Variants in UBN1 observed in about 807,000 individuals in gnomAD.
The protein encoded by UBN1 is ubinuclein 1.
In UBN1, 17 loss-of-function variants were observed where a neutral mutation model predicts 108.5. The observed-to-expected ratio is 0.16, with a 90% CI of 0.11 to 0.24. The LOEUF (loss-of-function observed/expected upper bound fraction) is 0.24. Among genes scored for constraint, UBN1 ranks in the 10% least tolerant of loss-of-function variants. The pLI is 1.00. For missense variants in UBN1, 1,595 were observed against 1,394.4 expected, an observed-to-expected ratio of 1.14 and a Z score of -2.29; for synonymous variants, 726 against 564.2, an observed-to-expected ratio of 1.29 and a Z score of -4.07.
intron 1 of UBN1, among the ~76,000 whole-genome samples, chr16:4,849,523 C>G (rs1308269026): frequency 1.3e-5 from 2 of 151,604 alleles, no homozygotes; most frequent in Non-Finnish European, 2.9e-5. Flanking sequence ...TGAGGATAAC[C>G]AAGGGACAAG....
chr16:4,868,927 C>T lies in UBN1; in HGVS notation c.1181+24C>T, dbSNP rs756084048. 8 of 1,612,260 alleles carry T rather than the reference C, an allele frequency of 5.0e-6. No individual in the cohort carries two copies. In the African/African-American group the frequency reaches 9.3e-5, roughly 19 times the overall value. On this transcript the variant is annotated intron_variant, in intron 8 of 17. Transcript: ENST00000262376. ...GAGTGAGTATCGTCTGTCTGTCTGTCTGTCTGTCTGTTTCTGCTATTACTG... is the reference window on the plus strand; with the variant it reads ...GAGTGAGTATCGTCTGTCTGTCTGTTTGTCTGTCTGTTTCTGCTATTACTG...
In UBN1 at chr16:4,869,676, C is replaced by T. The variant is rs577231220; in HGVS notation, c.1182-536C>T. On this transcript the variant is annotated intron_variant, in intron 8 of 17. Transcript: ENST00000262376. ...TGCAGAGAGCACCTGAGCATTGGTG[C>T]GGACGATAGGATTGTGTCAACAAGG... 1.1e-4 allele frequency among the ~76,000 whole-genome samples: 17 copies of T among 152,288 alleles called. No homozygotes were observed. In the East Asian group the frequency reaches 2.9e-3, roughly 26 times the overall value.
chr16:4,872,154 T>C, intron 12 of UBN1: 1 of 981,834 alleles, frequency 1.0e-6, no homozygotes, highest in Non-Finnish European at 1.2e-6. Context: ...GGATAGATCT[T>C]GGAACCTTTG....
At chr16:4,872,544 C>T (rs1283221806) in intron 12 of UBN1, among the ~76,000 whole-genome samples, 2 of 152,230 alleles carry the variant, frequency 1.3e-5, no homozygotes. Flanking sequence ...TCTCGGCTCA[C>T]TGCAACCTCC....
rs771307534 is a variant in UBN1, at chr16:4,868,868, G to T, written c.1146G>T (p.Lys382Asn). ...ARAAEGESRQKFFTQDINGIL... is the reference protein window; with the variant it reads ...ARAAEGESRQNFFTQDINGIL... ...CTGCTGAGGGGGAGAGCAGACAGAA[G>T]TTCTTCACCCAGGATATTAATGGAA... Residue 382 changes from lysine to asparagine, a missense_variant, in exon 8 of 18, where the codon AAG (lysine) becomes AAT (asparagine). This residue lies in a region of UBN1 where 1,398 missense variants were observed against 1,194.7 expected (regional missense o/e 1.17). Transcript: ENST00000262376. The T allele has an allele frequency of 6.2e-6, 10 of 1,613,840 alleles. No individual in the cohort carries two copies. The highest frequency in any genetic ancestry group is 1.3e-5 in the African/African-American group (1 of 74,912).
chr16:4,849,373 TA>T (rs1451447390), intron 1 of UBN1, among the ~76,000 whole-genome samples: 1 of 152,098 alleles, frequency 6.6e-6, no homozygotes, highest in African/African-American at 2.4e-5. Context: ...AAAAACCCAT[TA>T]AAATAAGAAT....
intron 2 of UBN1, among the ~76,000 whole-genome samples, chr16:4,857,775 T>TC (rs1390052256): frequency 1.3e-5 from 2 of 152,228 alleles, no homozygotes; most frequent in African/African-American, 2.4e-5. Context: ...GGTGGATGAT[T>TC]GTAGGCATTC....
At chr16:4,854,390 C>G (rs375478947) in intron 2 of UBN1, among the ~76,000 whole-genome samples, 3 of 150,986 alleles carry the variant, frequency 2.0e-5, no homozygotes, top group African/African-American at 7.3e-5. Flanking sequence ...GTCACCCAGG[C>G]TGGAGTGCGG....
At chr16:4,857,532 A>G (rs1004560019) in intron 2 of UBN1, among the ~76,000 whole-genome samples, 1 of 151,882 alleles carries the variant, frequency 6.6e-6, no homozygotes, top group Non-Finnish European at 1.5e-5. Context: ...TCTAAACAGT[A>G]TGGCAGAACG....
intron 2 of UBN1, among the ~76,000 whole-genome samples, chr16:4,856,404 T>G (rs760472257): frequency 1.3e-5 from 2 of 152,238 alleles, no homozygotes; most frequent in Admixed American, 1.3e-4. Context: ...GTTCTTTTAG[T>G]GTATAGTCCT....
At chr16:4,875,719 A>G (rs1033898805) in intron 15 of UBN1, among the ~76,000 whole-genome samples, 1 of 152,234 alleles carries the variant, frequency 6.6e-6, no homozygotes, top group Non-Finnish European at 1.5e-5. Context: ...TGTGTGGCAC[A>G]GAATGAGCAA....
In UBN1 at chr16:4,880,085, G is replaced by C. The variant is rs1474948256; in HGVS notation, c.3358G>C (p.Ala1120Pro). The C allele has an allele frequency of 6.2e-7, 1 of 1,613,908 alleles. No homozygotes were observed. The highest frequency in any genetic ancestry group is 8.5e-7 in the Non-Finnish European group (1 of 1,180,010). Reference sequence around the variant, plus strand: ...TAATTTTTCTTACTCTTTTCCAGGTGCTTCTCAGCTTCACGGGAAAGGGCC... The same window carrying C: ...TAATTTTTCTTACTCTTTTCCAGGTCCTTCTCAGCTTCACGGGAAAGGGCC... ...PTHIPQSLPG[A>P]SQLHGKGPAV... The change falls in exon 18 of 18, where the codon GCT (alanine) becomes CCT (proline). Residue 1120 changes from alanine to proline, a missense_variant and splice_region_variant. Coordinates refer to ENST00000262376, the MANE Select transcript of UBN1 (RefSeq NM_001079514.3).
At chr16:4,876,846 AC>A (rs2087909089) in intron 15 of UBN1, 24 bp from the exon 16 acceptor site, 2 of 1,557,380 alleles carry the variant, frequency 1.3e-6, no homozygotes, top group Middle Eastern at 1.7e-4. Context: ...TGGAGTTCTT[AC>A]CGCTTGCTGT....
intron 1 of UBN1, among the ~76,000 whole-genome samples, chr16:4,848,587 C>T (rs1275076718): frequency 6.6e-6 from 1 of 152,134 alleles, no homozygotes; most frequent in Admixed American, 6.5e-5. Context: ...CGTACTGGGT[C>T]GTCCCGCAGC....
In UBN1 at chr16:4,880,369, A is replaced by G; in HGVS notation, c.*237A>G. 1 of 517,822 alleles carries G rather than the reference A, an allele frequency of 1.9e-6. No individual in the cohort carries two copies. The highest frequency in any genetic ancestry group is 2.4e-5 in the South Asian group (1 of 41,382). The allele number at this position is 517,822 out of a possible 1,614,324, so 32.1% of individuals were successfully genotyped here. ...CTGGGCCTTGCAGCTCTGTCGCTAGACGGTTGTTAGAGGGGCAGCTCTAGG... is the reference window on the plus strand; with the variant it reads ...CTGGGCCTTGCAGCTCTGTCGCTAGGCGGTTGTTAGAGGGGCAGCTCTAGG... On this transcript the variant is annotated 3_prime_UTR_variant, in exon 18 of 18. Coordinates refer to ENST00000262376, the MANE Select transcript of UBN1 (RefSeq NM_001079514.3).
intron 7 of UBN1, among the ~76,000 whole-genome samples, chr16:4,867,214 A>G (rs2142217141): frequency 6.6e-6 from 1 of 152,330 alleles, no homozygotes; most frequent in South Asian, 2.1e-4. Flanking sequence ...AGTGGGGAAC[A>G]CAGGGGAAGA....
chr16:4,872,966 CA>C, intron 13 of UBN1, 32 bp downstream of exon 13: 3 of 1,614,178 alleles, frequency 1.9e-6, no homozygotes, highest in Middle Eastern at 1.6e-4. Flanking sequence ...CATCTCGGGA[CA>C]AGTGTTGTTT....
Position 4,877,012 on chromosome 16 carries a change from C to G in UBN1, c.3166C>G (p.Leu1056Val). 1 of 1,614,202 alleles carries G rather than the reference C, an allele frequency of 6.2e-7. No homozygotes were observed. Among genetic ancestry groups the G allele is most frequent in the Non-Finnish European group, 8.5e-7 (1 of 1,180,044 alleles). ...CCCTGTCCCTATTCCTGTCCATGTG[C>G]TCTCCTTCAGCGCTGACTCCTCTGC... ...ITPVPIPVHV[L>V]SFSADSSAKA... Residue 1056 changes from leucine (L) to valine (V), a missense_variant, in exon 16 of 18, where the codon CTC (leucine) becomes GTC (valine). Leu to Val is a conservative substitution (Grantham distance 32). Around this residue, in one of 3 missense-constraint regions of UBN1, gnomAD observed 1,398 missense variants for 1,194.7 expected, o/e 1.17. Transcript: ENST00000262376. This position sits in a 1 kb window ranked among gnomAD's most constrained non-coding sequence, Gnocchi z 4.3.
Position 4,881,751 on chromosome 16 carries a change from A to T in UBN1, c.*1619A>T, listed in dbSNP as rs1349893954. 1 of 152,232 alleles carries T rather than the reference A, an allele frequency of 6.6e-6. No individual in the cohort carries two copies. The highest frequency in any genetic ancestry group is 6.6e-5 in the Admixed American group (1 of 15,250). The allele number at this position is 152,232 out of a possible 1,614,324, so 9.4% of individuals were successfully genotyped here. A position where few individuals can be genotyped will look rare whatever the true frequency, so the allele number is the denominator to read the frequency against. On this transcript the variant is annotated 3_prime_UTR_variant, in exon 18 of 18. Coordinates refer to ENST00000262376, the MANE Select transcript of UBN1 (RefSeq NM_001079514.3). Reference sequence around the variant, plus strand: ...GATTCCTTATCCCTTTGTTATATATATTTTTTGCAACTTGGATTTCCAGTT... The same window carrying T: ...GATTCCTTATCCCTTTGTTATATATTTTTTTTGCAACTTGGATTTCCAGTT...
Sources: gnomAD v4.1 joint callset for allele counts (sites outside exome capture counted in the v4.1 genomes callset) on GRCh38, gnomAD v4.1.1 for gene constraint, gnomAD v4.1.1 regional missense constraint, Gnocchi (gnomAD v3.1) non-coding constraint, MANE v1.5 for transcripts, NCBI Gene and HGNC (gene_info 2026-07-23, HGNC 2026-07-21) for gene names.